Variants in PRDM16 observed in about 807,000 individuals in gnomAD.
The protein encoded by PRDM16 is histone-lysine N-methyltransferase PRDM16.
PRDM16 carries 23 observed loss-of-function variants against 110.6 expected under a neutral mutation model. The observed-to-expected ratio is 0.21, with a 90% CI of 0.15 to 0.29. PRDM16 has a LOEUF of 0.29. PRDM16 is among the 10% of genes least tolerant of loss of function. The pLI, the probability that PRDM16 is intolerant of heterozygous loss-of-function variation, is 1.00. For synonymous variants in PRDM16, 799 were observed against 781.8 expected, an observed-to-expected ratio of 1.02 and a Z score of -0.37; for missense variants, 1,615 against 1,794.3, an observed-to-expected ratio of 0.90 and a Z score of 1.81.
chr1:3,155,561 G>C (rs969161184), intron 1 of PRDM16, among the ~76,000 whole-genome samples: 1 of 152,228 alleles, frequency 6.6e-6, no homozygotes, highest in Non-Finnish European at 1.5e-5. Context: ...CCTTCCTCCC[G>C]ATACAGCAGC....
intron 8 of PRDM16, among the ~76,000 whole-genome samples, chr1:3,410,277 C>T (rs917274782): frequency 3.9e-5 from 6 of 152,064 alleles, no homozygotes; most frequent in African/African-American, 7.2e-5. Context: ...GGAAAATGGC[C>T]GGAACCCCCA....
chr1:3,089,683 C>T (rs1467861437), intron 1 of PRDM16, among the ~76,000 whole-genome samples: 1 of 152,260 alleles, frequency 6.6e-6, no homozygotes, highest in Non-Finnish European at 1.5e-5. Flanking sequence ...GCGCAGGGAG[C>T]CTCTGGTCTG....
rs1032492532 is a variant in PRDM16, at chr1:3,190,964, G to C, written c.387+4490G>C. 3.3e-5 allele frequency among the ~76,000 whole-genome samples: 5 copies of C among 152,200 alleles called. No homozygotes were observed. Among genetic ancestry groups the C allele is most frequent in the African/African-American group, 4.8e-5 (2 of 41,466 alleles). On this transcript the variant is annotated intron_variant, in intron 2 of 16. Transcript: ENST00000270722. This position sits in a 1 kb window ranked among gnomAD's most constrained non-coding sequence, Gnocchi z 5.0. ...TCAGCTGTGTGTCCAGGGTCCTGCA[G>C]CTTGGGGCCTGCTGGGGCGGGATCC...
intron 1 of PRDM16, among the ~76,000 whole-genome samples, chr1:3,160,595 G>A (rs1048789585): frequency 1.1e-4 from 16 of 152,340 alleles, no homozygotes; most frequent in African/African-American, 3.1e-4. Context: ...CTGCCCACGA[G>A]GTGCAGGTGC....
At chr1:3,142,003 C>T (rs148892436) in intron 1 of PRDM16, among the ~76,000 whole-genome samples, 2,292 of 152,396 alleles carry the variant, frequency 0.015, 22 homozygotes, top group Non-Finnish European at 0.025. Context: ...TGGGGCCGCA[C>T]TGTGCATTCG....
At chr1:3,079,853 G>A (rs529610035) in intron 1 of PRDM16, among the ~76,000 whole-genome samples, 1 of 152,346 alleles carries the variant, frequency 6.6e-6, no homozygotes, top group South Asian at 2.1e-4. Context: ...GGCCCGCCAA[G>A]CTACTCTGTT....
chr1:3,165,841 G>T (rs376548518), intron 1 of PRDM16, among the ~76,000 whole-genome samples: 1 of 41,242 alleles, frequency 2.4e-5, no homozygotes, highest in Admixed American at 2.6e-4. Flanking sequence ...TCAGGGACAG[G>T]GACTCACCAG....
Position 3,359,853 on chromosome 1 carries a change from A to T in PRDM16, c.439-25299A>T, listed in dbSNP as rs1482168055. Reference sequence around the variant, plus strand: ...GTTTACTTAGAAGGTGGCACCCGACAAGGGCTTCCAATGTGTTCCATGTGC... The same window carrying T: ...GTTTACTTAGAAGGTGGCACCCGACTAGGGCTTCCAATGTGTTCCATGTGC... On this transcript the variant is annotated intron_variant, in intron 3 of 16. Transcript: ENST00000270722. This position sits in a 1 kb window ranked among gnomAD's most constrained non-coding sequence, Gnocchi z 4.3. Among the ~76,000 whole-genome samples, 2 of 141,742 alleles carry T rather than the reference A, an allele frequency of 1.4e-5. No individual in the cohort carries two copies. The highest frequency in any genetic ancestry group is 6.3e-5 in the African/African-American group (2 of 31,614). The allele number at this position is 141,742 out of a possible 152,430, so 93.0% of individuals were successfully genotyped here.
rs545142714 is a variant in PRDM16 at position 3,213,065 on chromosome 1, C to T, written c.387+26591C>T. ...AAGCGGGGTCGGCTCGCCCGCCTGC[C>T]GCACGCTTCCCCGGGAGGCCGAGCT... is the stretch of plus-strand genomic sequence containing the variant. On this transcript the variant is annotated intron_variant, in intron 2 of 16. Coordinates refer to ENST00000270722, the MANE Select transcript of PRDM16 (RefSeq NM_022114.4). This position sits in a 1 kb window ranked among gnomAD's most constrained non-coding sequence, Gnocchi z 5.3. Among the ~76,000 whole-genome samples the T allele has an allele frequency of 7.2e-5, 11 of 152,332 alleles. No individual in the cohort carries two copies. In the East Asian group the frequency reaches 7.7e-4, roughly 11 times the overall value.
In PRDM16 at chr1:3,108,659, G is replaced by T. The variant is rs1569572424; in HGVS notation, c.37+39363G>T. On this transcript the variant is annotated intron_variant, in intron 1 of 16. Coordinates refer to ENST00000270722, the MANE Select transcript of PRDM16 (RefSeq NM_022114.4). Reference sequence around the variant, plus strand: ...GGAGGAAACCAAGGCACAGAGAGATGGTGCCTCTGGGCAGCTGCTCCAGGT... The same window carrying T: ...GGAGGAAACCAAGGCACAGAGAGATTGTGCCTCTGGGCAGCTGCTCCAGGT... 2.6e-5 allele frequency among the ~76,000 whole-genome samples: 4 copies of T among 152,192 alleles called. No homozygotes were observed. The East Asian group carries it at 7.7e-4, about 29-fold the overall frequency.
Position 3,418,749 on chromosome 1 carries a change from G to A in PRDM16, c.2939+5G>A, listed in dbSNP as rs750534836. The stretch of plus-strand genomic sequence containing the variant: ...CACTGGGGAGCAGCCGTACAGGTAG[G>A]TGCTGCGTGGGCTGGGTGTGGGGGC... On this transcript the variant is annotated splice_donor_5th_base_variant and intron_variant, in intron 12 of 16. Transcript: ENST00000270722. The A allele has an allele frequency of 7.4e-6, 12 of 1,611,902 alleles. No homozygotes were observed. In the South Asian group the frequency reaches 1.2e-4, roughly 16 times the overall value.
intron 2 of PRDM16, among the ~76,000 whole-genome samples, chr1:3,204,545 C>T (rs1407738237): frequency 6.6e-6 from 1 of 152,194 alleles, no homozygotes; most frequent in Non-Finnish European, 1.5e-5. Context: ...CCAGGGGAGC[C>T]CGTGGCTCCG....
intron 3 of PRDM16, among the ~76,000 whole-genome samples, chr1:3,311,101 G>T (rs1386161735): frequency 6.6e-6 from 1 of 152,242 alleles, no homozygotes; most frequent in African/African-American, 2.4e-5. Flanking sequence ...AGGGGTGCCT[G>T]TTGCCTGTGA....
chr1:3,376,524 T>C (rs757725760), intron 3 of PRDM16, among the ~76,000 whole-genome samples: 28 of 152,020 alleles, frequency 1.8e-4, no homozygotes, highest in Non-Finnish European at 4.1e-4. Flanking sequence ...CTGAGAACCA[T>C]CCAGTGAGAC....
intron 2 of PRDM16, among the ~76,000 whole-genome samples, chr1:3,220,628 G>A (rs1231232620): frequency 3.3e-5 from 5 of 152,146 alleles, no homozygotes; most frequent in Non-Finnish European, 7.3e-5. Flanking sequence ...GGTCTAGAGG[G>A]GCCCTTTCTT....
chr1:3,283,189 C>G (rs1003349397), intron 3 of PRDM16, among the ~76,000 whole-genome samples: 2 of 152,190 alleles, frequency 1.3e-5, no homozygotes, highest in Admixed American at 6.5e-5. Flanking sequence ...CACCTTCCCT[C>G]CTGCTTGGGC....
chr1:3,183,534 A>T (rs1241500192), intron 1 of PRDM16, among the ~76,000 whole-genome samples: 2 of 152,180 alleles, frequency 1.3e-5, no homozygotes, highest in African/African-American at 2.4e-5. Context: ...GCAAAATGAG[A>T]CGGGTTTTTC....
chr1:3,169,488 G>A (rs983924746), intron 1 of PRDM16, among the ~76,000 whole-genome samples: 6 of 152,078 alleles, frequency 3.9e-5, no homozygotes, highest in Non-Finnish European at 7.4e-5. Context: ...CCCCTCTCCC[G>A]TGCACAGCCT....
intron 2 of PRDM16, among the ~76,000 whole-genome samples, chr1:3,211,512 C>T (rs1638882034): frequency 6.6e-6 from 1 of 152,216 alleles, no homozygotes; most frequent in Admixed American, 6.5e-5. Flanking sequence ...CCGTCGGGGG[C>T]TGCAGCAGAT....
Sources: allele counts gnomAD v4.1 joint callset (sites outside exome capture counted in the v4.1 genomes callset), GRCh38; gene constraint gnomAD v4.1.1; non-coding constraint Gnocchi (gnomAD v3.1); transcripts MANE v1.5; gene names NCBI Gene and HGNC (gene_info 2026-07-23, HGNC 2026-07-21).